USH2A: variants seen among roughly 807,000 people sequenced by gnomAD.
USH2A encodes the protein usherin, also known as Usher syndrome 2A (autosomal recessive, mild).
A neutral mutation model predicts 538.9 loss-of-function variants in USH2A; 443 were observed. The observed-to-expected ratio is 0.82, with a 90% CI of 0.76 to 0.89. The LOEUF (loss-of-function observed/expected upper bound fraction) is 0.89, where lower values mean the gene tolerates loss of function less well. USH2A is among the 40% of genes least tolerant of loss of function. The pLI is 0.00. For synonymous variants in USH2A, 2,413 were observed against 2,273.5 expected (o/e 1.06, Z -1.75); for missense variants, 6,633 against 6,324.8 (o/e 1.05, Z -1.65).
intron 9 of USH2A, among the ~76,000 whole-genome samples, chr1:216,315,929 G>T (rs1010199879): frequency 6.6e-6 from 1 of 151,982 alleles, no homozygotes; most frequent in African/African-American, 2.4e-5. Context: ...TAGGCTTTTG[G>T]ATTTGTTTCA....
At chr1:215,946,974 C>G (rs1374010773) in intron 37 of USH2A, among the ~76,000 whole-genome samples, 1 of 151,218 alleles carries the variant, frequency 6.6e-6, no homozygotes, top group Admixed American at 6.6e-5. Flanking sequence ...ATCTCATTAA[C>G]TTTTAGGTTT....
At chr1:216,177,512 T>G (rs2034413085) in intron 20 of USH2A, among the ~76,000 whole-genome samples, 1 of 152,064 alleles carries the variant, frequency 6.6e-6, no homozygotes, top group Non-Finnish European at 1.5e-5. Flanking sequence ...CACACAACGG[T>G]CCAGGCAACT....
At chr1:216,331,221 T>A (rs2037856293) in intron 4 of USH2A, among the ~76,000 whole-genome samples, 1 of 152,172 alleles carries the variant, frequency 6.6e-6, no homozygotes, top group Non-Finnish European at 1.5e-5. Flanking sequence ...AAATAAATTT[T>A]ACTTATTCCT....
chr1:216,110,525 T>C (rs2032840435), intron 21 of USH2A, among the ~76,000 whole-genome samples: 1 of 152,208 alleles, frequency 6.6e-6, no homozygotes, highest in Non-Finnish European at 1.5e-5. Flanking sequence ...TTCACCAAAA[T>C]ACATGTTTGC....
intron 67 of USH2A, among the ~76,000 whole-genome samples, chr1:215,646,336 T>G (rs1656851621): frequency 6.9e-6 from 1 of 145,822 alleles, no homozygotes; most frequent in African/African-American, 2.4e-5. Context: ...CTCCATAAAT[T>G]ATGCAGTTGG....
At chr1:216,093,188 C>A (rs1172957121) in intron 22 of USH2A, among the ~76,000 whole-genome samples, 1 of 152,020 alleles carries the variant, frequency 6.6e-6, no homozygotes, top group Admixed American at 6.6e-5. Context: ...TGGTCTTGAA[C>A]TCCTGACCTT....
At chr1:215,950,225 A>T (rs1666878886) in intron 37 of USH2A, among the ~76,000 whole-genome samples, 2 of 152,178 alleles carry the variant, frequency 1.3e-5, no homozygotes, top group Admixed American at 6.5e-5. Context: ...TCAAATAGTA[A>T]GAATAAAAAA....
chr1:216,170,525 C>T (rs2034255589), intron 21 of USH2A, among the ~76,000 whole-genome samples: 1 of 152,008 alleles, frequency 6.6e-6, no homozygotes, highest in Admixed American at 6.6e-5. Context: ...AAAGATCTCC[C>T]CAAAGGCAGT....
intron 11 of USH2A, among the ~76,000 whole-genome samples, chr1:216,263,853 T>C (rs1388676501): frequency 1.3e-5 from 2 of 152,104 alleles, no homozygotes; most frequent in Non-Finnish European, 2.9e-5. Flanking sequence ...GATGACAGGA[T>C]CTTATATGTA....
chr1:215,863,287 A>G (rs1664379080), intron 44 of USH2A, among the ~76,000 whole-genome samples: 3 of 152,190 alleles, frequency 2.0e-5, no homozygotes, highest in Admixed American at 2.0e-4. Context: ...GAGAAGGAAG[A>G]CAATGGAAAA....
intron 32 of USH2A, among the ~76,000 whole-genome samples, chr1:216,021,453 C>A (rs769075613): frequency 6.6e-6 from 1 of 152,154 alleles, no homozygotes; most frequent in African/African-American, 2.4e-5. Flanking sequence ...GATTATGAGG[C>A]CTCCACAGCC....
chr1:215,650,297 TA>T (rs1373293812), intron 65 of USH2A, among the ~76,000 whole-genome samples: 1 of 152,196 alleles, frequency 6.6e-6, no homozygotes, highest in African/African-American at 2.4e-5. Context: ...CTAATTAAAT[TA>T]AATTAAATTA....
intron 3 of USH2A, among the ~76,000 whole-genome samples, chr1:216,375,131 T>C (rs1571755109): frequency 6.6e-6 from 1 of 152,060 alleles, no homozygotes; most frequent in Non-Finnish European, 1.5e-5. Context: ...CCTTTAACAA[T>C]ATGGGGGTTA....
At chr1:216,241,083 C>A (rs910203776) in intron 13 of USH2A, among the ~76,000 whole-genome samples, 2 of 152,092 alleles carry the variant, frequency 1.3e-5, no homozygotes, top group Admixed American at 6.5e-5. Flanking sequence ...TATGGCATAG[C>A]TGTACAGTAA....
chr1:216,134,869 A>T (rs2033449805), intron 21 of USH2A, among the ~76,000 whole-genome samples: 1 of 152,158 alleles, frequency 6.6e-6, no homozygotes, highest in Non-Finnish European at 1.5e-5. Flanking sequence ...GTAAAGAGCT[A>T]TGCCAAAGTG....
At chr1:216,012,317 A>G (rs1668594834) in intron 32 of USH2A, among the ~76,000 whole-genome samples, 1 of 152,058 alleles carries the variant, frequency 6.6e-6, no homozygotes, top group Non-Finnish European at 1.5e-5. Flanking sequence ...ACTACTCCTC[A>G]GGGATTATTC....
At chr1:215,772,039 C>T (rs1289642827) in intron 55 of USH2A, among the ~76,000 whole-genome samples, 2 of 152,124 alleles carry the variant, frequency 1.3e-5, no homozygotes, top group African/African-American at 4.8e-5. Context: ...TTTACATGAA[C>T]CTGATGACCT....
chr1:216,183,266 G>A (rs527580045), intron 20 of USH2A, among the ~76,000 whole-genome samples: 43 of 151,820 alleles, frequency 2.8e-4, no homozygotes, highest in Admixed American at 2.4e-3. Flanking sequence ...GCTGTGGATC[G>A]AGTGTGCCAA....
intron 21 of USH2A, among the ~76,000 whole-genome samples, chr1:216,121,723 G>C (rs1421355074): frequency 6.6e-6 from 1 of 152,110 alleles, no homozygotes; most frequent in African/African-American, 2.4e-5. Context: ...TCTGTACAAA[G>C]TTTCCCTCTA....
Sources: gnomAD v4.1 joint callset for allele counts (sites outside exome capture counted in the v4.1 genomes callset) on GRCh38, gnomAD v4.1.1 for gene constraint, MANE v1.5 for transcripts, NCBI Gene and HGNC (gene_info 2026-07-23, HGNC 2026-07-21) for gene names.